TOX2: variants seen among roughly 807,000 people sequenced by gnomAD.
TOX2 encodes the protein TOX high mobility group box family member 2.
In TOX2, 15 loss-of-function variants were observed where a neutral mutation model predicts 47.4. That is an observed-to-expected ratio of 0.32 (90% CI 0.21 to 0.49). The LOEUF (loss-of-function observed/expected upper bound fraction) is 0.49. Ranked by LOEUF, TOX2 falls within the 20% of genes least tolerant of loss-of-function variation. The pLI, the probability that TOX2 is intolerant of heterozygous loss-of-function variation, is 0.99. For missense variants in TOX2, 622 were observed against 673.1 expected (o/e 0.92, Z 0.84); for synonymous variants, 290 against 296.6 (o/e 0.98, Z 0.23).
At chr20:43,977,967 C>T (rs560859165) in intron 2 of TOX2, among the ~76,000 whole-genome samples, 1 of 152,334 alleles carries the variant, frequency 6.6e-6, no homozygotes, top group Non-Finnish European at 1.5e-5. Flanking sequence ...ATTCCAGCTC[C>T]TCCATGCCTC....
chr20:43,931,664 G>C (rs148389895), intron 1 of TOX2, among the ~76,000 whole-genome samples: 5 of 152,174 alleles, frequency 3.3e-5, no homozygotes, highest in Non-Finnish European at 7.4e-5. Flanking sequence ...CTGCGTTTTA[G>C]AAGAATCTTT....
intron 1 of TOX2, among the ~76,000 whole-genome samples, chr20:43,965,316 G>T (rs896453087): frequency 3.9e-5 from 6 of 152,212 alleles, no homozygotes; most frequent in African/African-American, 1.2e-4. Flanking sequence ...ATTGTTTGCA[G>T]CTTGGGACTG....
At chr20:43,919,076 C>A (rs1016924430) in intron 1 of TOX2, among the ~76,000 whole-genome samples, 1 of 152,190 alleles carries the variant, frequency 6.6e-6, no homozygotes, top group African/African-American at 2.4e-5. Flanking sequence ...AACCTGGGTA[C>A]CACCTTCCCC....
At chr20:44,009,731 A>G (rs2070748453) in intron 3 of TOX2, among the ~76,000 whole-genome samples, 1 of 152,198 alleles carries the variant, frequency 6.6e-6, no homozygotes, top group Admixed American at 6.5e-5. Context: ...CTCATTTTCT[A>G]GCAGAAACCT....
intron 1 of TOX2, among the ~76,000 whole-genome samples, chr20:43,956,132 C>T (rs1378774300): frequency 6.6e-6 from 1 of 152,142 alleles, no homozygotes; most frequent in South Asian, 2.1e-4. Flanking sequence ...TTAGAAGCCA[C>T]CTCTTCCGTG....
At chr20:43,959,706 C>T (rs187026526) in intron 1 of TOX2, among the ~76,000 whole-genome samples, 1 of 152,356 alleles carries the variant, frequency 6.6e-6, no homozygotes, top group African/African-American at 2.4e-5. Context: ...CACCACAGTG[C>T]AACCCGACGT....
intron 1 of TOX2, among the ~76,000 whole-genome samples, chr20:43,951,897 T>C (rs1264546516): frequency 6.6e-6 from 1 of 150,534 alleles, no homozygotes; most frequent in Non-Finnish European, 1.5e-5. Context: ...TTTTGTTTGT[T>C]TGTTTGTTTG....
At chr20:43,972,717 C>T (rs565569080) in intron 1 of TOX2, among the ~76,000 whole-genome samples, 2 of 152,378 alleles carry the variant, frequency 1.3e-5, no homozygotes, top group Non-Finnish European at 2.9e-5. Flanking sequence ...TCTTCCCCTG[C>T]ACCTGCTCCT....
chr20:43,937,094 C>T (rs552121199), intron 1 of TOX2, among the ~76,000 whole-genome samples: 3 of 152,212 alleles, frequency 2.0e-5, no homozygotes, highest in African/African-American at 7.2e-5. Context: ...CACACAGGGC[C>T]GGGAGACCAG....
chr20:44,001,572 TTC>T (rs982363650), intron 2 of TOX2, among the ~76,000 whole-genome samples: 1 of 152,250 alleles, frequency 6.6e-6, no homozygotes, highest in Non-Finnish European at 1.5e-5. Context: ...TGCTTATTTT[TTC>T]AAAAGGCTTC....
In TOX2 at chr20:43,998,866, T is replaced by C. The variant is rs369530001; in HGVS notation, c.166-7681T>C. On this transcript the variant is annotated intron_variant, in intron 2 of 8. Coordinates refer to ENST00000341197, the MANE Select transcript of TOX2 (RefSeq NM_001098797.2). ...CCCCTGCTTCCCGGGTTCAAGGGAT[T>C]CTCCTGTCTCAGCCTCCTGAGTAGC... Among the ~76,000 whole-genome samples, 25 of 152,278 alleles carry C rather than the reference T, an allele frequency of 1.6e-4. No individual in the cohort carries two copies. The East Asian group carries it at 4.6e-3, about 28-fold the overall frequency.
chr20:44,014,155 A>AAAG (rs1600737587), intron 3 of TOX2, among the ~76,000 whole-genome samples: 1 of 148,904 alleles, frequency 6.7e-6, no homozygotes, highest in East Asian at 2.0e-4. Context: ...AAAAAAAAAA[A>AAAG]GGAAAAGAGA....
At chr20:43,937,267 C>A (rs965189225) in intron 1 of TOX2, among the ~76,000 whole-genome samples, 1 of 152,140 alleles carries the variant, frequency 6.6e-6, no homozygotes, top group Admixed American at 6.5e-5. Context: ...TTTTAAGTGT[C>A]GGCAACCTTG....
chr20:43,935,568 C>T (rs1317734152), intron 1 of TOX2, among the ~76,000 whole-genome samples: 1 of 152,096 alleles, frequency 6.6e-6, no homozygotes, highest in African/African-American at 2.4e-5. Flanking sequence ...TACTATTAAC[C>T]ATGTCACAAA....
chr20:44,060,279 G>A (rs971747357), intron 5 of TOX2, among the ~76,000 whole-genome samples: 1 of 152,024 alleles, frequency 6.6e-6, no homozygotes, highest in Non-Finnish European at 1.5e-5. Flanking sequence ...TAAGAAATGA[G>A]AAAGATAGAC....
chr20:43,932,912 C>T (rs2069274876), intron 1 of TOX2, among the ~76,000 whole-genome samples: 1 of 152,150 alleles, frequency 6.6e-6, no homozygotes, highest in Admixed American at 6.5e-5. Context: ...TAACACCTTC[C>T]CCGGGGTTGC....
At chr20:43,963,497 G>A (rs2069797450) in intron 1 of TOX2, among the ~76,000 whole-genome samples, 2 of 152,188 alleles carry the variant, frequency 1.3e-5, no homozygotes, top group Admixed American at 6.5e-5. Context: ...CAGTGGGGGT[G>A]GGAAGCCAGG....
At chr20:44,034,581 G>A (rs1358356804) in intron 3 of TOX2, among the ~76,000 whole-genome samples, 2 of 152,214 alleles carry the variant, frequency 1.3e-5, no homozygotes, top group African/African-American at 4.8e-5. Context: ...GTGAGAAAGA[G>A]GCTCGAGGCA....
At chr20:43,951,847 A>G (rs181788020) in intron 1 of TOX2, among the ~76,000 whole-genome samples, 55 of 150,540 alleles carry the variant, frequency 3.7e-4, no homozygotes, top group African/African-American at 1.3e-3. Context: ...GATTAGGACT[A>G]CAGGTACATA....
Sources: gnomAD v4.1 joint callset for allele counts (sites outside exome capture counted in the v4.1 genomes callset) on GRCh38, gnomAD v4.1.1 for gene constraint, MANE v1.5 for transcripts, NCBI Gene and HGNC (gene_info 2026-07-23, HGNC 2026-07-21) for gene names.